SHISAL1: variants seen among roughly 807,000 people sequenced by gnomAD.
SHISAL1 encodes the protein shisa like 1.
A neutral mutation model predicts 22.6 loss-of-function variants in SHISAL1; 9 were observed. The observed-to-expected ratio is 0.40, with a 90% CI of 0.24 to 0.70. The LOEUF is 0.70. SHISAL1 is among the 30% of genes least tolerant of loss of function. The pLI, the probability that SHISAL1 is intolerant of heterozygous loss-of-function variation, is 0.39. For synonymous variants in SHISAL1, 119 were observed against 115.4 expected, an observed-to-expected ratio of 1.03 and a Z score of -0.20; for missense variants, 246 against 270.6, an observed-to-expected ratio of 0.91 and a Z score of 0.64.
intron 4 of SHISAL1, among the ~76,000 whole-genome samples, chr22:44,251,989 G>A (rs192311269): frequency 2.3e-4 from 35 of 152,318 alleles, no homozygotes; most frequent in Admixed American, 2.0e-3. Context: ...CATAACAAAT[G>A]CAATGAAGAG....
chr22:44,310,686 A>G lies in SHISAL1; in HGVS notation c.-33+2065T>C, dbSNP rs144548904. Among the ~76,000 whole-genome samples, 1 of 152,322 alleles carries G rather than the reference A, an allele frequency of 6.6e-6. No homozygotes were observed. Among genetic ancestry groups the G allele is most frequent in the East Asian group, 1.9e-4 (1 of 5,174 alleles). On this transcript the variant is annotated intron_variant, in intron 1 of 4. Transcript: ENST00000381176. This position sits in a 1 kb window ranked among gnomAD's most constrained non-coding sequence, Gnocchi z 4.0. The stretch of plus-strand genomic sequence containing the variant: ...TCCCAAAGCTGATGGTTTAGGTACC[A>G]GAGAGGGTCCTGTGTGCCCCTTGGC...
chr22:44,285,620 C>A lies in SHISAL1; in HGVS notation c.407G>T (p.Gly136Val). The A allele has an allele frequency of 6.2e-7, 1 of 1,614,180 alleles. No individual in the cohort carries two copies. The highest frequency in any genetic ancestry group is 8.5e-7 in the Non-Finnish European group (1 of 1,179,994). Residue 136 changes from glycine (G) to valine (V), a missense_variant, in exon 4 of 5, where the codon GGC becomes GTC. Gly to Val is a moderately radical substitution (Grantham distance 109, BLOSUM62 -3). Transcript: ENST00000381176. ...CTGTTTCATCCATCGTCCTTGGATG[C>A]CCCACCGTGCCAGGTAGACCTTGCA... is the stretch of plus-strand genomic sequence containing the variant. The part of the protein sequence containing the change: ...DICKVYLARW[G>V]IQGRWMKQDP...
At position 44,246,489 on chromosome 22, in the gene SHISAL1, T is replaced by A. The variant is rs953109877; in HGVS notation, c.*3196A>T. ...TGCTAAAAAACAGTAACTCTAGCTA[T>A]GCTTGAACTCGTCACTACCCTGCAT... On this transcript the variant is annotated 3_prime_UTR_variant, in exon 5 of 5. Coordinates refer to ENST00000381176, the MANE Select transcript of SHISAL1 (RefSeq NM_001099294.2). 2.6e-5 allele frequency: 4 copies of A among 152,224 alleles called. No individual in the cohort carries two copies. The highest frequency in any genetic ancestry group is 4.4e-5 in the Non-Finnish European group (3 of 68,064). The allele number at this position is 152,224 out of a possible 1,614,324, so 9.4% of individuals were successfully genotyped here. A position where few individuals can be genotyped will look rare whatever the true frequency, so the allele number is the denominator to read the frequency against.
chr22:44,287,013 G>C (rs567127749), intron 3 of SHISAL1, among the ~76,000 whole-genome samples: 1 of 152,234 alleles, frequency 6.6e-6, no homozygotes, highest in Non-Finnish European at 1.5e-5. Context: ...GACTCACCTC[G>C]CTCTCGCCCA....
intron 4 of SHISAL1, among the ~76,000 whole-genome samples, chr22:44,264,242 G>A (rs1353863083): frequency 6.6e-6 from 1 of 152,202 alleles, no homozygotes; most frequent in African/African-American, 2.4e-5. Flanking sequence ...GGAAAGCAGA[G>A]TAGATGACTC....
In SHISAL1 at chr22:44,272,125, G is replaced by A. The variant is rs6006718; in HGVS notation, c.599+13303C>T. Among the ~76,000 whole-genome samples, 1,100 of 152,236 alleles carry A rather than the reference G, an allele frequency of 7.2e-3. 15 individuals carry two copies. Among genetic ancestry groups the A allele is most frequent in the African/African-American group, 0.024 (1,001 of 41,512 alleles). On this transcript the variant is annotated intron_variant, in intron 4 of 4. Transcript: ENST00000381176. Reference sequence around the variant, plus strand: ...ATAAGATGCCTGCTGCAGGTAGCACGTCCCCAGAAACAGGTGTGTCATGTT... The same window carrying A: ...ATAAGATGCCTGCTGCAGGTAGCACATCCCCAGAAACAGGTGTGTCATGTT...
At chr22:44,312,015 G>A (rs2055522238) in intron 1 of SHISAL1, among the ~76,000 whole-genome samples, 3 of 152,246 alleles carry the variant, frequency 2.0e-5, no homozygotes, top group South Asian at 2.1e-4. Context: ...CAGGCATGGC[G>A]CTCGCCTCGG....
At chr22:44,268,517 G>A (rs534045669) in intron 4 of SHISAL1, among the ~76,000 whole-genome samples, 4 of 152,276 alleles carry the variant, frequency 2.6e-5, no homozygotes, top group South Asian at 2.1e-4. Context: ...GTTAAACAGC[G>A]AGGCTGTGGG....
chr22:44,263,334 G>T (rs5764676), intron 4 of SHISAL1, among the ~76,000 whole-genome samples: 1 of 151,884 alleles, frequency 6.6e-6, no homozygotes, highest in African/African-American at 2.4e-5. Flanking sequence ...GCCTCCCAAA[G>T]TGCTGGGATT....
At chr22:44,289,496 T>TGTGTGTGTGTGTGTGTGTGTGTGTG (rs768987294) in intron 3 of SHISAL1, among the ~76,000 whole-genome samples, 40 of 137,872 alleles carry the variant, frequency 2.9e-4, no homozygotes, top group African/African-American at 1.0e-3. Context: ...GTGTGTGTGT[T>TGTGTGTGTGTGTGTGTGTGTGTGTG]TACTGCCGGG....
intron 4 of SHISAL1, among the ~76,000 whole-genome samples, chr22:44,272,450 C>A (rs373928653): frequency 6.6e-6 from 1 of 152,214 alleles, no homozygotes; most frequent in Non-Finnish European, 1.5e-5. Flanking sequence ...GCACTTAACA[C>A]GGGGCATGGC....
At chr22:44,273,681 T>C (rs1203322663) in intron 4 of SHISAL1, among the ~76,000 whole-genome samples, 5 of 152,078 alleles carry the variant, frequency 3.3e-5, no homozygotes, top group Non-Finnish European at 5.9e-5. Context: ...CAAATCTGAG[T>C]TTTCTACAAA....
intron 4 of SHISAL1, among the ~76,000 whole-genome samples, chr22:44,274,782 G>A (rs1386162791): frequency 2.0e-5 from 3 of 152,206 alleles, no homozygotes; most frequent in South Asian, 2.1e-4. Flanking sequence ...ATCTGTGTGT[G>A]AGCGGGATCC....
chr22:44,321,853 T>C, the SHISAL1 span, among the ~76,000 whole-genome samples: 2 of 150,680 alleles, frequency 1.3e-5, no homozygotes, highest in African/African-American at 4.9e-5. Context: ...AACCAAGGAG[T>C]GGAGAGGGCC....
intron 4 of SHISAL1, among the ~76,000 whole-genome samples, chr22:44,261,947 C>G (rs557729435): frequency 1.3e-5 from 2 of 152,314 alleles, no homozygotes; most frequent in Admixed American, 1.3e-4. Flanking sequence ...TCACACTAGG[C>G]CTTCCATAAG....
chr22:44,290,840 G>C lies in SHISAL1; in HGVS notation c.282-5095C>G, dbSNP rs555502430. ...CTGGCTCGTGTGATTAAGGCACAGA[G>C]AGAGTGCTTAATAGGTCTAGACCCA... is the stretch of plus-strand genomic sequence containing the variant. On this transcript the variant is annotated intron_variant, in intron 3 of 4. Transcript: ENST00000381176. 5.3e-5 allele frequency among the ~76,000 whole-genome samples: 8 copies of C among 152,352 alleles called. 1 individual carries two copies. The East Asian group carries it at 1.4e-3, about 26-fold the overall frequency.
At position 44,288,674 on chromosome 22, in the gene SHISAL1, G is replaced by A. The variant is rs185159086; in HGVS notation, c.282-2929C>T. On this transcript the variant is annotated intron_variant, in intron 3 of 4. Transcript: ENST00000381176. ...AAAAACAAAAAAGAAAAGAAATGCT[G>A]CTCCAGCCCAACATCTCTCTTGCCT... Among the ~76,000 whole-genome samples the A allele has an allele frequency of 2.0e-4, 30 of 152,108 alleles. No individual in the cohort carries two copies. The East Asian group carries it at 4.9e-3, about 25-fold the overall frequency.
At chr22:44,290,436 G>A (rs947792066) in intron 3 of SHISAL1, among the ~76,000 whole-genome samples, 2 of 151,334 alleles carry the variant, frequency 1.3e-5, no homozygotes. Context: ...GGCTGAGGCA[G>A]GGGAATTGCT....
intron 4 of SHISAL1, among the ~76,000 whole-genome samples, chr22:44,269,839 G>A (rs545769273): frequency 6.6e-6 from 1 of 152,152 alleles, no homozygotes; most frequent in African/African-American, 2.4e-5. Context: ...CCTGGTGCTG[G>A]CGTCCCATGG....
Sources: allele counts gnomAD v4.1 joint callset (sites outside exome capture counted in the v4.1 genomes callset), GRCh38; gene constraint gnomAD v4.1.1; non-coding constraint Gnocchi (gnomAD v3.1); transcripts MANE v1.5; gene names NCBI Gene and HGNC (gene_info 2026-07-23, HGNC 2026-07-21).